CEACAM21: variants seen among roughly 807,000 people sequenced by gnomAD.
CEACAM21 encodes the protein cell adhesion molecule CEACAM21.
Under a neutral mutation model 33.2 loss-of-function variants are expected in CEACAM21, and 38 were observed. The observed-to-expected ratio is 1.14, with a 90% CI of 0.88 to 1.50. The LOEUF is 1.50. Ranked by LOEUF, CEACAM21 falls within the 40% of genes most tolerant of loss-of-function variation. The pLI, the probability that CEACAM21 is intolerant of heterozygous loss-of-function variation, is 0.00. For synonymous variants in CEACAM21, 156 were observed against 143.0 expected, an observed-to-expected ratio of 1.09 and a Z score of -0.65; for missense variants, 385 against 364.6, an observed-to-expected ratio of 1.06 and a Z score of -0.46.
Position 41,584,553 on chromosome 19 carries a change from CCCCAGGGATCCTT to C in CEACAM21, c.797+114_797+126del, listed in dbSNP as rs573083232. Reference sequence around the variant, plus strand: ...CCAGGCTCTCCCCAGCCTCCCGACTCCCCAGGGATCCTTCCCTCTCATTCCATGGCACCTTCCT... The same window carrying C: ...CCAGGCTCTCCCCAGCCTCCCGACTCCCCTCTCATTCCATGGCACCTTCCT... On this transcript the variant is annotated intron_variant, in intron 4 of 6. Coordinates refer to ENST00000401445, the MANE Select transcript of CEACAM21 (RefSeq NM_001098506.4). 1,813 of 932,014 alleles carry C rather than the reference CCCCAGGGATCCTT, an allele frequency of 1.9e-3. 5 individuals are homozygous for C. Among genetic ancestry groups the C allele is most frequent in the Non-Finnish European group, 2.2e-3 (1,294 of 599,124 alleles). The allele number at this position is 932,014 out of a possible 1,614,324, so 57.7% of individuals were successfully genotyped here. A position where few individuals can be genotyped will look rare whatever the true frequency, so the allele number is the denominator to read the frequency against.
chr19:41,579,508 T>C lies in CEACAM21; in HGVS notation c.580T>C (p.Trp194Arg). The C allele has an allele frequency of 1.2e-6, 2 of 1,613,764 alleles. No individual in the cohort carries two copies. The highest frequency in any genetic ancestry group is 1.7e-6 in the Non-Finnish European group (2 of 1,179,778). Residue 194 changes from tryptophan (W) to arginine (R), a missense_variant, in exon 3 of 7, where the codon TGG becomes CGG. Trp to Arg is a moderately radical substitution (Grantham distance 101, BLOSUM62 -3). Transcript: ENST00000401445. The stretch of plus-strand genomic sequence containing the variant: ...GGTCACGAAGAGGATGAAGCTGTCC[T>C]GGTTTAACCATGTGCTCACCATAGA... ...LQVTKRMKLS[W>R]FNHVLTIDPI...
chr19:41,552,601 C>T (rs782390881), intron 1 of CEACAM21, among the ~76,000 whole-genome samples: 2 of 152,084 alleles, frequency 1.3e-5, no homozygotes, highest in African/African-American at 2.4e-5. Context: ...TGTCAATTTG[C>T]GCATGATTTC....
intron 4 of CEACAM21, 114 bp downstream of exon 4, chr19:41,584,557 A>C: frequency 2.2e-6 from 2 of 922,726 alleles, no homozygotes; most frequent in South Asian, 1.5e-5. Flanking sequence ...CCGACTCCCC[A>C]GGGATCCTTC....
Position 41,585,494 on chromosome 19 carries a change from C to G in CEACAM21, c.849C>G (p.Pro283=). 6.2e-7 allele frequency: 1 copy of G among 1,613,862 alleles called. No individual in the cohort carries two copies. The highest frequency in any genetic ancestry group is 1.1e-5 in the South Asian group (1 of 91,086). Residue 283 remains proline, a splice_region_variant and synonymous_variant, in exon 5 of 7, where the codon CCC becomes CCG. Transcript: ENST00000401445. ...AGCAGCAGCCCCCAGCCTCCACCCC[C>G]GGTGAGTGTCCCTTCAGTCTGGGTG... is the stretch of plus-strand genomic sequence containing the variant. ...FREQQPPAST[P]GHGPSDSSIS
intron 1 of CEACAM21, among the ~76,000 whole-genome samples, chr19:41,563,522 A>G (rs918467158): frequency 5.3e-5 from 8 of 152,272 alleles, no homozygotes; most frequent in Non-Finnish European, 1.0e-4. Context: ...TCGCACATGC[A>G]GAAGAGAGAC....
intron 3 of CEACAM21, among the ~76,000 whole-genome samples, chr19:41,582,196 C>T (rs1555793751): frequency 6.6e-6 from 1 of 152,264 alleles, no homozygotes; most frequent in African/African-American, 2.4e-5. Flanking sequence ...CTGAAATGAT[C>T]TCCTTTGTAT....
chr19:41,562,051 G>C (rs2041914531), intron 1 of CEACAM21, among the ~76,000 whole-genome samples: 1 of 152,158 alleles, frequency 6.6e-6, no homozygotes, highest in African/African-American at 2.4e-5. Flanking sequence ...TTCGAGACCA[G>C]CCTGACAAAC....
intron 3 of CEACAM21, among the ~76,000 whole-genome samples, chr19:41,583,352 A>T (rs1235056609): frequency 6.6e-6 from 1 of 152,124 alleles, no homozygotes; most frequent in Non-Finnish European, 1.5e-5. Context: ...GAAGTTTCAA[A>T]CTTTTTTCCT....
Position 41,579,632 on chromosome 19 carries a change from A to G in CEACAM21, c.700+4A>G, listed in dbSNP as rs1555792848. The G allele has an allele frequency of 1.3e-6, 2 of 1,537,490 alleles. No homozygotes were observed. The highest frequency in any genetic ancestry group is 1.8e-6 in the Non-Finnish European group (2 of 1,136,730). On this transcript the variant is annotated splice_donor_region_variant and intron_variant, in intron 3 of 6. Transcript: ENST00000401445. ...CCCCTCAAGCTGACTGTAAAATGTG[A>G]GTGACCCTCGGCCCCTCTCACTCCT...
At chr19:41,558,126 C>T (rs563442410) in intron 1 of CEACAM21, among the ~76,000 whole-genome samples, 11 of 152,256 alleles carry the variant, frequency 7.2e-5, no homozygotes, top group African/African-American at 2.6e-4. Flanking sequence ...ACTCTCCTAC[C>T]TTTACAACTA....
At chr19:41,584,167 GAC>G in intron 3 of CEACAM21, among the ~76,000 whole-genome samples, 178 bp from the exon 4 acceptor site, 1 of 152,264 alleles carries the variant, frequency 6.6e-6, no homozygotes, top group African/African-American at 2.4e-5. Flanking sequence ...TCAAGCCTAA[GAC>G]ACAGAAAATG....
chr19:41,567,089 T>A (rs944299518), intron 2 of CEACAM21, among the ~76,000 whole-genome samples: 5 of 152,146 alleles, frequency 3.3e-5, no homozygotes, highest in Non-Finnish European at 5.9e-5. Context: ...TAGATAGGAA[T>A]GGTCCAGGGT....
At chr19:41,567,830 T>G (rs1180583659) in intron 2 of CEACAM21, among the ~76,000 whole-genome samples, 1 of 151,542 alleles carries the variant, frequency 6.6e-6, no homozygotes, top group Non-Finnish European at 1.5e-5. Flanking sequence ...TGGGTCCCAG[T>G]TTTTTTTGTT....
chr19:41,583,454 G>A (rs1355303590), intron 3 of CEACAM21, among the ~76,000 whole-genome samples: 1 of 152,134 alleles, frequency 6.6e-6, no homozygotes, highest in Admixed American at 6.5e-5. Context: ...CTTTATAGCA[G>A]CACTCCACTA....
Position 41,570,247 on chromosome 19 carries a change from T to C in CEACAM21, c.-404+5191T>C, listed in dbSNP as rs1025483963. On this transcript the variant is annotated intron_variant, in intron 2 of 7. Coordinates refer to the CEACAM21 transcript ENST00000407170. Reference sequence around the variant, plus strand: ...AGCTCAGGGACAGACCTGAGGAGCCTCAGTGGGAAGTGCTGAAGTGGAAAG... The same window carrying C: ...AGCTCAGGGACAGACCTGAGGAGCCCCAGTGGGAAGTGCTGAAGTGGAAAG... Among the ~76,000 whole-genome samples the C allele has an allele frequency of 1.4e-4, 21 of 152,236 alleles. No homozygotes were observed. In the South Asian group the frequency reaches 1.5e-3, roughly 11 times the overall value.
upstream of CEACAM21, among the ~76,000 whole-genome samples, chr19:41,571,902 C>T (rs1253688600): frequency 2.0e-5 from 3 of 152,008 alleles, no homozygotes; most frequent in Non-Finnish European, 4.4e-5. Context: ...AATCTGTTGC[C>T]CACTCTTGGA....
intron 1 of CEACAM21, among the ~76,000 whole-genome samples, chr19:41,556,430 G>C (rs1023812742): frequency 7.9e-5 from 12 of 152,172 alleles, no homozygotes; most frequent in Non-Finnish European, 5.9e-5. Flanking sequence ...AGGCAAAAGA[G>C]AAAATCCAGA....
intron 1 of CEACAM21, among the ~76,000 whole-genome samples, chr19:41,557,196 C>T (rs558297448): frequency 5.6e-4 from 86 of 152,264 alleles, no homozygotes; most frequent in African/African-American, 1.9e-3. Context: ...TCCCAGAATT[C>T]GGCTAAGATA....
chr19:41,558,608 C>T (rs1253251104), intron 1 of CEACAM21, among the ~76,000 whole-genome samples: 1 of 152,158 alleles, frequency 6.6e-6, no homozygotes, highest in Non-Finnish European at 1.5e-5. Flanking sequence ...GATCATGCCA[C>T]TGCACTCCAG....
Sources: gnomAD v4.1 joint callset for allele counts (sites outside exome capture counted in the v4.1 genomes callset) on GRCh38, gnomAD v4.1.1 for gene constraint, MANE v1.5 for transcripts, NCBI Gene and HGNC (gene_info 2026-07-23, HGNC 2026-07-21) for gene names.